STK24: variants seen among roughly 807,000 people sequenced by gnomAD.
STK24 encodes the protein serine/threonine-protein kinase 24.
In STK24, 21 loss-of-function variants were observed where a neutral mutation model predicts 55.6. The observed-to-expected ratio is 0.38, with a 90% CI of 0.27 to 0.54. The LOEUF (loss-of-function observed/expected upper bound fraction) is 0.54. Among genes scored for constraint, STK24 ranks in the 20% least tolerant of loss-of-function variants. The probability of loss-of-function intolerance (pLI) is 0.79; values close to 1 mark genes in which losing one functional copy is unlikely to be tolerated. For synonymous variants in STK24, 200 were observed against 215.2 expected, an observed-to-expected ratio of 0.93 and a Z score of 0.62; for missense variants, 383 against 538.4, an observed-to-expected ratio of 0.71 and a Z score of 2.86.
intron 10 of STK24, chr13:98,453,988 T>C (rs754759270): frequency 7.2e-5 from 11 of 152,206 alleles, no homozygotes; most frequent in Non-Finnish European, 1.5e-4. Context: ...CAGAGAGCAG[T>C]TCCTTTGAGC....
chr13:98,469,759 A>G (rs1255562581), intron 5 of STK24, among the ~76,000 whole-genome samples: 1 of 152,096 alleles, frequency 6.6e-6, no homozygotes, highest in African/African-American at 2.4e-5. Flanking sequence ...GGACTTCTGT[A>G]GGGGGCTCCC....
At chr13:98,458,223 T>A (rs1893547572) in intron 9 of STK24, among the ~76,000 whole-genome samples, 1 of 152,144 alleles carries the variant, frequency 6.6e-6, no homozygotes, top group East Asian at 1.9e-4. Context: ...ACTCCAAGTC[T>A]CTCTCTGGAG....
chr13:98,550,714 G>A (rs746180953), intron 1 of STK24, among the ~76,000 whole-genome samples: 6 of 151,716 alleles, frequency 4.0e-5, no homozygotes, highest in Non-Finnish European at 8.8e-5. Context: ...AAAGCTCTGG[G>A]CTCAAAGGTA....
chr13:98,447,742 G>A lies in STK24; in HGVS notation c.*5431C>T, dbSNP rs1478079417. Reference sequence around the variant, plus strand: ...TGCAAGCCTGTAGTCCCATCTCCTGGGAGGCCAAGGCTGGAGGATCGATTG... The same window carrying A: ...TGCAAGCCTGTAGTCCCATCTCCTGAGAGGCCAAGGCTGGAGGATCGATTG... On this transcript the variant is annotated 3_prime_UTR_variant, in exon 11 of 11. Transcript: ENST00000539966. The A allele has an allele frequency of 6.3e-6, 1 of 157,730 alleles. No homozygotes were observed. Among genetic ancestry groups the A allele is most frequent in the East Asian group, 1.9e-4 (1 of 5,280 alleles). The allele number at this position is 157,730 out of a possible 1,614,324, so 9.8% of individuals were successfully genotyped here.
rs1893206296 is a variant in STK24, at chr13:98,451,780, T to TC, written c.*1392dup. On this transcript the variant is annotated 3_prime_UTR_variant, in exon 11 of 11. Transcript: ENST00000539966. Reference sequence around the variant, plus strand: ...CAGTCAACAGCTGCTGCACGAACCCTCCCACTCCAGAAACCCAGAGATTTT... The same window carrying TC: ...CAGTCAACAGCTGCTGCACGAACCCTCCCCACTCCAGAAACCCAGAGATTTT... 1 of 152,264 alleles carries TC rather than the reference T, an allele frequency of 6.6e-6. No individual in the cohort carries two copies. Among genetic ancestry groups the TC allele is most frequent in the East Asian group, 1.9e-4 (1 of 5,180 alleles). The allele number at this position is 152,264 out of a possible 1,614,324, so 9.4% of individuals were successfully genotyped here.
At chr13:98,472,124 C>T (rs1325868479) in intron 5 of STK24, among the ~76,000 whole-genome samples, 1 of 152,138 alleles carries the variant, frequency 6.6e-6, no homozygotes, top group Non-Finnish European at 1.5e-5. Flanking sequence ...GCCCTGCTTG[C>T]GACAAGAGCT....
At position 98,448,343 on chromosome 13, in the gene STK24, T is replaced by C. The variant is rs748005700; in HGVS notation, c.*4830A>G. 1 of 1,542,602 alleles carries C rather than the reference T, an allele frequency of 6.5e-7. No individual in the cohort carries two copies. ...TGGCCGGACACACTCGTTTCCGCAG[T>C]GGCTGCTTTCCTGGAAGACGTTTCC... On this transcript the variant is annotated 3_prime_UTR_variant, in exon 11 of 11. Transcript: ENST00000539966.
At chr13:98,499,661 G>T (rs1483057212) in intron 2 of STK24, among the ~76,000 whole-genome samples, 2 of 152,144 alleles carry the variant, frequency 1.3e-5, no homozygotes, top group African/African-American at 4.8e-5. Flanking sequence ...CTAGAAGAGT[G>T]TTCCAAGAGT....
intron 1 of STK24, among the ~76,000 whole-genome samples, chr13:98,575,758 T>C (rs1594682868): frequency 6.6e-6 from 1 of 152,186 alleles, no homozygotes; most frequent in Non-Finnish European, 1.5e-5. Flanking sequence ...CAAACTTTCA[T>C]GACATATCCT....
Position 98,568,421 on chromosome 13 carries a change from GACAGCCAGACAGCTTGCCCCACATCTC to G in STK24, c.42+8297_42+8323del, listed in dbSNP as rs1191368340. On this transcript the variant is annotated intron_variant, in intron 1 of 10. Transcript: ENST00000539966. Reference sequence around the variant, plus strand: ...TCAAAGTCAGCCACAGAAGTGGGTAGACAGCCAGACAGCTTGCCCCACATCTCACAGCCAGGCTCCCAAAGTCAAGGA... The same window carrying G: ...TCAAAGTCAGCCACAGAAGTGGGTAGACAGCCAGGCTCCCAAAGTCAAGGA... Among the ~76,000 whole-genome samples the G allele has an allele frequency of 3.3e-5, 5 of 152,306 alleles. No individual in the cohort carries two copies. In the East Asian group the frequency reaches 7.7e-4, roughly 24 times the overall value.
chr13:98,502,681 T>C (rs1895520557), intron 2 of STK24, among the ~76,000 whole-genome samples: 1 of 152,188 alleles, frequency 6.6e-6, no homozygotes, highest in East Asian at 1.9e-4. Flanking sequence ...TCCCACCACG[T>C]CATGACACAG....
intron 1 of STK24, among the ~76,000 whole-genome samples, chr13:98,555,172 T>C (rs866420080): frequency 7.9e-5 from 12 of 152,210 alleles, no homozygotes; most frequent in Admixed American, 5.9e-4. Context: ...CATGACCTGC[T>C]CTTTACAGAG....
chr13:98,466,916 C>G (rs1893947377), intron 5 of STK24, among the ~76,000 whole-genome samples: 1 of 152,140 alleles, frequency 6.6e-6, no homozygotes, highest in Non-Finnish European at 1.5e-5. Context: ...CGAGTCACCC[C>G]CTCCAGCAGT....
chr13:98,473,649 G>A (rs959431316), intron 5 of STK24, among the ~76,000 whole-genome samples: 1 of 152,190 alleles, frequency 6.6e-6, no homozygotes, highest in African/African-American at 2.4e-5. Flanking sequence ...GGTCTGCTGT[G>A]TGGGTATGTG....
Position 98,445,375 on chromosome 13 carries a change from A to T in STK24, c.*7798T>A, listed in dbSNP as rs1354445876. 6.6e-6 allele frequency: 1 copy of T among 152,200 alleles called. No homozygotes were observed. Among genetic ancestry groups the T allele is most frequent in the Non-Finnish European group, 1.5e-5 (1 of 68,048 alleles). The allele number at this position is 152,200 out of a possible 1,614,324, so 9.4% of individuals were successfully genotyped here. ...CCACCAGTGCGTCAGGCCTGCTCAG[A>T]GTTGTTTGGAGGTAGCATGGACACA... is the stretch of plus-strand genomic sequence containing the variant. On this transcript the variant is annotated 3_prime_UTR_variant, in exon 11 of 11. Transcript: ENST00000539966.
At chr13:98,561,414 C>G (rs566068610) in intron 1 of STK24, among the ~76,000 whole-genome samples, 1 of 152,004 alleles carries the variant, frequency 6.6e-6, no homozygotes, top group East Asian at 1.9e-4. Context: ...GAAACTCCCT[C>G]TCTACCAAAA....
chr13:98,552,112 T>C (rs1897173509), intron 1 of STK24, among the ~76,000 whole-genome samples: 1 of 152,242 alleles, frequency 6.6e-6, no homozygotes, highest in Non-Finnish European at 1.5e-5. Context: ...CCCTGGGGAA[T>C]AAAATCATGC....
intron 3 of STK24, among the ~76,000 whole-genome samples, chr13:98,478,066 AATTCACT>A (rs1341926703): frequency 6.6e-6 from 1 of 152,152 alleles, no homozygotes; most frequent in East Asian, 1.9e-4. Flanking sequence ...TCTGCGTCAA[AATTCACT>A]ATAAAGGGTA....
At chr13:98,571,621 G>A (rs1385996244) in intron 1 of STK24, among the ~76,000 whole-genome samples, 1 of 152,178 alleles carries the variant, frequency 6.6e-6, no homozygotes, top group African/African-American at 2.4e-5. Flanking sequence ...GGAACACGGA[G>A]TATTCAAAAT....
Sources: allele counts gnomAD v4.1 joint callset (sites outside exome capture counted in the v4.1 genomes callset), GRCh38; gene constraint gnomAD v4.1.1; transcripts MANE v1.5; gene names NCBI Gene and HGNC (gene_info 2026-07-23, HGNC 2026-07-21).